EDIL3: variants seen among roughly 807,000 people sequenced by gnomAD.
The protein encoded by EDIL3 is EGF-like repeat and discoidin I-like domain-containing protein 3.
EDIL3 carries 37 observed loss-of-function variants against 67.4 expected under a neutral mutation model. That is an observed-to-expected ratio of 0.55 (90% CI 0.42 to 0.72). The LOEUF (loss-of-function observed/expected upper bound fraction) is 0.72, where lower values mean the gene tolerates loss of function less well. EDIL3 is among the 30% of genes least tolerant of loss of function. The probability of loss-of-function intolerance (pLI) is 0.00; values close to 1 mark genes in which losing one functional copy is unlikely to be tolerated. For missense variants in EDIL3, 527 were observed against 586.3 expected, an observed-to-expected ratio of 0.90 and a Z score of 1.04; for synonymous variants, 195 against 196.3, an observed-to-expected ratio of 0.99 and a Z score of 0.05.
At chr5:83,960,141 A>AT (rs1428690619) in intron 10 of EDIL3, among the ~76,000 whole-genome samples, 3 of 151,046 alleles carry the variant, frequency 2.0e-5, no homozygotes, top group African/African-American at 7.3e-5. Flanking sequence ...ATTATGCCTA[A>AT]TTAGTTACAA....
chr5:84,164,651 T>C (rs1748673466), intron 4 of EDIL3, among the ~76,000 whole-genome samples: 1 of 152,100 alleles, frequency 6.6e-6, no homozygotes, highest in Non-Finnish European at 1.5e-5. Flanking sequence ...TTTAGTGTGC[T>C]CTTATCACTC....
At chr5:83,986,120 T>C (rs1745053902) in intron 9 of EDIL3, among the ~76,000 whole-genome samples, 1 of 152,086 alleles carries the variant, frequency 6.6e-6, no homozygotes, top group Non-Finnish European at 1.5e-5. Context: ...TCAGCACCAC[T>C]TTTTTTAATC....
intron 10 of EDIL3, among the ~76,000 whole-genome samples, chr5:83,959,477 G>A (rs1744570730): frequency 6.6e-6 from 1 of 150,944 alleles, no homozygotes; most frequent in Admixed American, 6.6e-5. Flanking sequence ...CACAAAAGAA[G>A]ACTTAGAAGC....
chr5:84,034,368 AT>A (rs1048385871), intron 9 of EDIL3, among the ~76,000 whole-genome samples: 1 of 151,672 alleles, frequency 6.6e-6, no homozygotes, highest in African/African-American at 2.4e-5. Flanking sequence ...GCTGTGTGTG[AT>A]TTTTTTTTAT....
At chr5:84,190,119 G>A (rs970567162) in intron 3 of EDIL3, among the ~76,000 whole-genome samples, 1 of 151,924 alleles carries the variant, frequency 6.6e-6, no homozygotes, top group African/African-American at 2.4e-5. Context: ...TATGGGCTAT[G>A]TTGATAATCA....
intron 1 of EDIL3, among the ~76,000 whole-genome samples, chr5:84,342,979 T>C (rs112960322): frequency 1.1e-3 from 164 of 152,268 alleles, no homozygotes; most frequent in Middle Eastern, 3.4e-3. Context: ...AGTAAACTTA[T>C]AAATTATCTA....
At chr5:84,008,584 G>A (rs1262460658) in intron 9 of EDIL3, among the ~76,000 whole-genome samples, 1 of 152,140 alleles carries the variant, frequency 6.6e-6, no homozygotes, top group African/African-American at 2.4e-5. Flanking sequence ...GAAAGGATTA[G>A]CCAGAGGGTT....
rs1363184220 is a variant in EDIL3 at position 84,305,905 on chromosome 5, A to AG, written c.68-51694_68-51693insC. ...AAAGTAAATAAATAAATAAATAAATAAATAAATAAATAAATAGATAGATAA... is the reference window on the plus strand; with the variant it reads ...AAAGTAAATAAATAAATAAATAAATAGAATAAATAAATAAATAGATAGATAA... On this transcript the variant is annotated intron_variant, in intron 1 of 10. Coordinates refer to ENST00000296591, the MANE Select transcript of EDIL3 (RefSeq NM_005711.5). Among the ~76,000 whole-genome samples, 917 of 145,338 alleles carry AG rather than the reference A, an allele frequency of 6.3e-3. 12 individuals are homozygous for AG. Among genetic ancestry groups the AG allele is most frequent in the African/African-American group, 0.019 (763 of 39,994 alleles).
chr5:84,152,715 G>A (rs1173886256), intron 4 of EDIL3, among the ~76,000 whole-genome samples: 1 of 152,126 alleles, frequency 6.6e-6, no homozygotes, highest in Non-Finnish European at 1.5e-5. Flanking sequence ...CCATGTTTCA[G>A]AGAATAAAGG....
At chr5:84,219,766 G>A (rs1221970535) in intron 3 of EDIL3, among the ~76,000 whole-genome samples, 1 of 152,160 alleles carries the variant, frequency 6.6e-6, no homozygotes, top group African/African-American at 2.4e-5. Flanking sequence ...ATGGACAATG[G>A]AGTACTATTC....
chr5:84,078,984 T>A (rs1371863506), intron 6 of EDIL3, among the ~76,000 whole-genome samples: 1 of 152,064 alleles, frequency 6.6e-6, no homozygotes, highest in Non-Finnish European at 1.5e-5. Flanking sequence ...CCCTGCCCCG[T>A]CCTCTAGGAA....
intron 6 of EDIL3, among the ~76,000 whole-genome samples, chr5:84,091,856 A>G (rs1406616066): frequency 6.6e-6 from 1 of 152,236 alleles, no homozygotes. Context: ...AGGCAATATG[A>G]GAATCTAATT....
chr5:84,023,705 C>T (rs945423933), intron 9 of EDIL3, among the ~76,000 whole-genome samples: 1 of 151,978 alleles, frequency 6.6e-6, no homozygotes, highest in Non-Finnish European at 1.5e-5. Flanking sequence ...GAGATTTGTT[C>T]TTTTCAAGAA....
rs115859415 is a variant in EDIL3, at chr5:84,160,995, C to A, written c.355+19398G>T. On this transcript the variant is annotated intron_variant, in intron 4 of 10. Transcript: ENST00000296591. The stretch of plus-strand genomic sequence containing the variant: ...TATGTAGTCTTTTGTCCCTCACTCC[C>A]CACCCTTCTTCACAAGCCCCTATGG... 5.3e-3 allele frequency among the ~76,000 whole-genome samples: 803 copies of A among 151,950 alleles called. 5 individuals carry two copies. Among genetic ancestry groups the A allele is most frequent in the African/African-American group, 0.018 (736 of 41,432 alleles).
At chr5:84,235,562 A>G (rs371170034) in intron 2 of EDIL3, among the ~76,000 whole-genome samples, 69 of 152,204 alleles carry the variant, frequency 4.5e-4, no homozygotes, top group African/African-American at 1.5e-3. Flanking sequence ...TCATGAGGAC[A>G]GGGCTGTAGC....
intron 9 of EDIL3, among the ~76,000 whole-genome samples, chr5:83,974,319 T>A (rs1401292004): frequency 6.6e-6 from 1 of 151,554 alleles, no homozygotes; most frequent in Admixed American, 6.6e-5. Context: ...AAATGTGCCA[T>A]CAACGTTAGC....
chr5:84,269,733 T>A (rs969993207), intron 1 of EDIL3, among the ~76,000 whole-genome samples: 1 of 152,160 alleles, frequency 6.6e-6, no homozygotes, highest in Non-Finnish European at 1.5e-5. Context: ...ATTCTGGACA[T>A]TATCCCCAAA....
At chr5:84,218,550 C>A (rs1744277946) in intron 3 of EDIL3, among the ~76,000 whole-genome samples, 1 of 152,164 alleles carries the variant, frequency 6.6e-6, no homozygotes, top group Admixed American at 6.5e-5. Flanking sequence ...TCATAAGAAC[C>A]AAAAATCAGC....
intron 9 of EDIL3, among the ~76,000 whole-genome samples, chr5:84,035,138 G>C (rs1745999566): frequency 6.6e-6 from 1 of 151,902 alleles, no homozygotes; most frequent in Non-Finnish European, 1.5e-5. Context: ...ACTAGTATTA[G>C]TCCTAGTAAA....
Sources: allele counts gnomAD v4.1 joint callset (sites outside exome capture counted in the v4.1 genomes callset), GRCh38; gene constraint gnomAD v4.1.1; transcripts MANE v1.5; gene names NCBI Gene and HGNC (gene_info 2026-07-23, HGNC 2026-07-21).